GINM1: variants seen among roughly 807,000 people sequenced by gnomAD.
GINM1 encodes the protein glycoprotein integral membrane protein 1.
GINM1 carries 29 observed loss-of-function variants against 37.8 expected under a neutral mutation model. The observed-to-expected ratio is 0.77, with a 90% CI of 0.57 to 1.05. The LOEUF is 1.05. GINM1 is among the 50% of genes least tolerant of loss of function. The probability of loss-of-function intolerance (pLI) is 0.00; values close to 1 mark genes in which losing one functional copy is unlikely to be tolerated. For missense variants in GINM1, 377 were observed against 397.9 expected (o/e 0.95, Z 0.45); for synonymous variants, 143 against 146.2 (o/e 0.98, Z 0.16).
At chr6:149,588,806 T>G (rs902007032) in intron 7 of GINM1, among the ~76,000 whole-genome samples, 1 of 151,878 alleles carries the variant, frequency 6.6e-6, no homozygotes, top group Non-Finnish European at 1.5e-5. Context: ...TTGTTGTTGT[T>G]GTTGTTGTTG....
At chr6:149,580,827 G>C (rs899529176) in intron 6 of GINM1, 104 bp downstream of exon 6, 20 of 958,098 alleles carry the variant, frequency 2.1e-5, no homozygotes, top group Non-Finnish European at 3.2e-5. Context: ...TGGAACTGTA[G>C]AGCATTGGTG....
chr6:149,586,034 G>T (rs1211658693), intron 7 of GINM1, among the ~76,000 whole-genome samples: 2 of 152,144 alleles, frequency 1.3e-5, no homozygotes, highest in East Asian at 3.8e-4. Flanking sequence ...TACAGTATTT[G>T]CTTTTTATCA....
chr6:149,573,148 C>T (rs904620139), intron 3 of GINM1, among the ~76,000 whole-genome samples: 2 of 151,852 alleles, frequency 1.3e-5, no homozygotes, highest in Admixed American at 6.6e-5. Context: ...CACGGTGAAA[C>T]CCCATCTCTA....
chr6:149,579,145 A>G (rs1337141844), intron 4 of GINM1, among the ~76,000 whole-genome samples, 172 bp downstream of exon 4: 1 of 152,226 alleles, frequency 6.6e-6, no homozygotes, highest in African/African-American at 2.4e-5. Flanking sequence ...TTTGAAATGT[A>G]TTTTTAAAAT....
intron 1 of GINM1, among the ~76,000 whole-genome samples, chr6:149,569,822 A>T (rs1284274830): frequency 6.6e-6 from 1 of 152,116 alleles, no homozygotes; most frequent in East Asian, 1.9e-4. Flanking sequence ...TGGGCATCCT[A>T]TGAGTAAAGG....
chr6:149,574,266 G>A (rs929907787), intron 3 of GINM1, among the ~76,000 whole-genome samples: 7 of 151,942 alleles, frequency 4.6e-5, no homozygotes, highest in Non-Finnish European at 7.4e-5. Flanking sequence ...GGTCAAGGCC[G>A]GTCTCGAACT....
At chr6:149,586,276 G>C (rs991905862) in intron 7 of GINM1, among the ~76,000 whole-genome samples, 1 of 152,120 alleles carries the variant, frequency 6.6e-6, no homozygotes, top group Non-Finnish European at 1.5e-5. Flanking sequence ...ATCAAGAAAA[G>C]AAGCAAGAGG....
At chr6:149,585,146 G>A (rs935606396) in intron 7 of GINM1, among the ~76,000 whole-genome samples, 1 of 152,086 alleles carries the variant, frequency 6.6e-6, no homozygotes, top group Non-Finnish European at 1.5e-5. Context: ...CATAGAAAAC[G>A]GTGTTGTAAT....
At position 149,582,617 on chromosome 6, in the gene GINM1, AT is replaced by A; in HGVS notation, c.881+19del. ...TTCTGAATACAAGTAAGTATTTCTT[AT>A]TTTTGAAATGTTAGTATTTTTAATG... On this transcript the variant is annotated intron_variant, in intron 7 of 7. Transcript: ENST00000367419. The A allele has an allele frequency of 6.7e-7, 1 of 1,501,156 alleles. No individual in the cohort carries two copies. Among genetic ancestry groups the A allele is most frequent in the Non-Finnish European group, 9.0e-7 (1 of 1,110,272 alleles). The allele number at this position is 1,501,156 out of a possible 1,614,324, so 93.0% of individuals were successfully genotyped here.
At chr6:149,569,319 A>G (rs1429161881) in intron 1 of GINM1, among the ~76,000 whole-genome samples, 1 of 143,770 alleles carries the variant, frequency 7.0e-6, no homozygotes, top group Admixed American at 7.2e-5. Context: ...TACAGGTGTG[A>G]GCCACTGCGC....
intron 1 of GINM1, among the ~76,000 whole-genome samples, chr6:149,567,115 C>G (rs904748447): frequency 1.6e-4 from 25 of 152,138 alleles, no homozygotes; most frequent in Non-Finnish European, 3.2e-4. Flanking sequence ...CGGCGGTGTC[C>G]GCATCCCCTG....
At chr6:149,585,672 A>G (rs1257997084) in intron 7 of GINM1, among the ~76,000 whole-genome samples, 2 of 151,918 alleles carry the variant, frequency 1.3e-5, no homozygotes, top group African/African-American at 4.8e-5. Context: ...GGCTCGCTGC[A>G]AGCTCCACCT....
intron 3 of GINM1, among the ~76,000 whole-genome samples, chr6:149,575,700 A>G (rs1304961451): frequency 6.6e-6 from 1 of 152,200 alleles, no homozygotes; most frequent in African/African-American, 2.4e-5. Flanking sequence ...AGTTCTTTGC[A>G]AGTGGTTCAT....
In GINM1 at chr6:149,566,769, A is replaced by G. The variant is rs1000741934; in HGVS notation, c.120+235A>G. Among the ~76,000 whole-genome samples, 1 of 152,200 alleles carries G rather than the reference A, an allele frequency of 6.6e-6. No homozygotes were observed. Among genetic ancestry groups the G allele is most frequent in the African/African-American group, 2.4e-5 (1 of 41,458 alleles). ...GTGAGTGAGCCTCGAGCCACTCCAC[A>G]CCGACTCTCCGGCGGCCCAAGCCGG... On this transcript the variant is annotated intron_variant, in intron 1 of 7. Transcript: ENST00000367419. The surrounding 1 kb of genome is among the most constrained non-coding windows in gnomAD (Gnocchi z 4.4).
At chr6:149,583,200 C>T (rs926904635) in intron 7 of GINM1, among the ~76,000 whole-genome samples, 1 of 152,126 alleles carries the variant, frequency 6.6e-6, no homozygotes, top group South Asian at 2.1e-4. Context: ...CCTGGTGGCT[C>T]ATGCCTGTAA....
chr6:149,578,210 G>T (rs1777942594), intron 3 of GINM1: 1 of 152,154 alleles, frequency 6.6e-6, no homozygotes. Flanking sequence ...GGTTCCTCAT[G>T]GCCAACCTGT....
chr6:149,578,525 C>CAAAAAAA (rs145601764), intron 3 of GINM1, among the ~76,000 whole-genome samples: 6 of 71,404 alleles, frequency 8.4e-5, no homozygotes, highest in Non-Finnish European at 1.2e-4. Flanking sequence ...GACTCCATCT[C>CAAAAAAA]AAAAAAAAAA....
At position 149,578,989 on chromosome 6, in the gene GINM1, T is replaced by C. The variant is rs1777958633; in HGVS notation, c.429+16T>C. 1 of 1,441,514 alleles carries C rather than the reference T, an allele frequency of 6.9e-7. No homozygotes were observed. Among genetic ancestry groups the C allele is most frequent in the Non-Finnish European group, 9.6e-7 (1 of 1,041,060 alleles). The allele number at this position is 1,441,514 out of a possible 1,614,324, so 89.3% of individuals were successfully genotyped here. On this transcript the variant is annotated intron_variant, in intron 4 of 7. Transcript: ENST00000367419. ...TGGAAAACAAGTAAGATAGTATGTT[T>C]ATTAATTGGGAATTAAATGATATTT...
chr6:149,588,648 G>A (rs909637641), intron 7 of GINM1, among the ~76,000 whole-genome samples: 1 of 152,094 alleles, frequency 6.6e-6, no homozygotes, highest in East Asian at 1.9e-4. Flanking sequence ...TTTAAAGACA[G>A]GGTTTTGTTC....
Sources: allele counts gnomAD v4.1 joint callset (sites outside exome capture counted in the v4.1 genomes callset), GRCh38; gene constraint gnomAD v4.1.1; non-coding constraint Gnocchi (gnomAD v3.1); transcripts MANE v1.5; gene names NCBI Gene and HGNC (gene_info 2026-07-23, HGNC 2026-07-21).